Variants in LIFR observed in about 807,000 individuals in gnomAD.
LIFR encodes LIF receptor subunit alpha.
In LIFR, 84 loss-of-function variants were observed where a neutral mutation model predicts 122.2. That is an observed-to-expected ratio of 0.69 (90% CI 0.58 to 0.82). The LOEUF is 0.82. Ranked by LOEUF, LIFR falls within the 40% of genes least tolerant of loss-of-function variation. The pLI is 0.00. For missense variants in LIFR, 1,294 were observed against 1,311.6 expected (o/e 0.99, Z 0.21); for synonymous variants, 422 against 434.7 (o/e 0.97, Z 0.36).
At chr5:38,524,005 T>A (rs549986554) in intron 4 of LIFR, among the ~76,000 whole-genome samples, 33 of 152,204 alleles carry the variant, frequency 2.2e-4, no homozygotes, top group South Asian at 2.1e-4. Context: ...CAACTAGGTT[T>A]CCACAGTACT....
At chr5:38,575,517 A>G (rs974274145) in intron 1 of LIFR, among the ~76,000 whole-genome samples, 3 of 152,182 alleles carry the variant, frequency 2.0e-5, no homozygotes, top group Admixed American at 1.3e-4. Flanking sequence ...GTTTGCCCAG[A>G]GAGAGCTTCC....
chr5:38,552,409 C>T (rs1748251606), intron 1 of LIFR, among the ~76,000 whole-genome samples: 1 of 152,146 alleles, frequency 6.6e-6, no homozygotes, highest in Non-Finnish European at 1.5e-5. Flanking sequence ...TATTGATATT[C>T]CCTATAGGGC....
rs986520492 is a variant in LIFR at position 38,475,091 on chromosome 5, A to G, written c.*6504T>C. On this transcript the variant is annotated 3_prime_UTR_variant, in exon 20 of 20. Transcript: ENST00000453190. ...TAACAGCCAAGCATACTAGTTTTAC[A>G]TTTATGGTGTTTTAGTAATAGATTA... is the stretch of plus-strand genomic sequence containing the variant. 1 of 179,504 alleles carries G rather than the reference A, an allele frequency of 5.6e-6. No homozygotes were observed. The highest frequency in any genetic ancestry group is 1.2e-5 in the Non-Finnish European group (1 of 83,736). The allele number at this position is 179,504 out of a possible 1,614,324, so 11.1% of individuals were successfully genotyped here. A position where few individuals can be genotyped will look rare whatever the true frequency, so the allele number is the denominator to read the frequency against.
rs1285577291 is a variant in LIFR at position 38,523,708 on chromosome 5, T to A, written c.398-126A>T. 6 of 802,958 alleles carry A rather than the reference T, an allele frequency of 7.5e-6. No homozygotes were observed. The Admixed American group carries it at 1.3e-4, about 17-fold the overall frequency. The allele number at this position is 802,958 out of a possible 1,614,324, so 49.7% of individuals were successfully genotyped here. Reference sequence around the variant, plus strand: ...TGATCAAAAAATCAATAATCAAGATTTAAAAGGAAACTCTAGAACCCAGTA... The same window carrying A: ...TGATCAAAAAATCAATAATCAAGATATAAAAGGAAACTCTAGAACCCAGTA... On this transcript the variant is annotated intron_variant, in intron 4 of 19. Coordinates refer to ENST00000453190, the MANE Select transcript of LIFR (RefSeq NM_001127671.2).
intron 16 of LIFR, among the ~76,000 whole-genome samples, chr5:38,486,504 G>A (rs1744292160): frequency 6.6e-6 from 1 of 152,136 alleles, no homozygotes; most frequent in East Asian, 1.9e-4. Context: ...AACTTCAAAA[G>A]GAAGAGTGAG....
upstream of LIFR, chr5:38,556,707 G>T (rs1454365627): frequency 7.6e-6 from 1 of 132,358 alleles, no homozygotes; most frequent in African/African-American, 2.7e-5. Context: ...GCCCGGCCCC[G>T]CCCCTGACCC....
intron 1 of LIFR, among the ~76,000 whole-genome samples, chr5:38,586,956 G>A (rs1039082918): frequency 1.1e-4 from 16 of 152,254 alleles, no homozygotes; most frequent in African/African-American, 3.4e-4. Flanking sequence ...AAGCATTTGT[G>A]TTATTAATAA....
rs113730751 is a variant in LIFR at position 38,479,025 on chromosome 5, C to G, written c.*2570G>C. 2.0e-3 allele frequency: 462 copies of G among 231,862 alleles called. 2 individuals are homozygous for G. Among genetic ancestry groups the G allele is most frequent in the African/African-American group, 9.4e-3 (428 of 45,302 alleles). The allele number at this position is 231,862 out of a possible 1,614,324, so 14.4% of individuals were successfully genotyped here. ...CAGGCATGCAACCTTCATTGACAAA[C>G]AGCGCACATTTACCAGTATCTCAGA... is the stretch of plus-strand genomic sequence containing the variant. On this transcript the variant is annotated 3_prime_UTR_variant, in exon 20 of 20. Coordinates refer to ENST00000453190, the MANE Select transcript of LIFR (RefSeq NM_001127671.2).
intron 5 of LIFR, among the ~76,000 whole-genome samples, chr5:38,521,225 A>G (rs958501431): frequency 2.6e-5 from 4 of 152,212 alleles, no homozygotes; most frequent in African/African-American, 9.6e-5. Flanking sequence ...TTTTTCAGCC[A>G]GTTCATTATT....
intron 16 of LIFR, among the ~76,000 whole-genome samples, chr5:38,488,062 T>C (rs1022263649): frequency 6.6e-5 from 10 of 152,210 alleles, no homozygotes; most frequent in Non-Finnish European, 8.8e-5. Context: ...TTATGCTAAC[T>C]TTAGTGACCC....
upstream of LIFR, chr5:38,557,504 A>G (rs1200891867): frequency 2.6e-5 from 4 of 154,916 alleles, no homozygotes; most frequent in Middle Eastern, 1.0e-3. Context: ...TGCAAAGTTC[A>G]GAAATGTGCC....
intron 1 of LIFR, among the ~76,000 whole-genome samples, chr5:38,574,374 G>A (rs773661935): frequency 2.6e-5 from 4 of 151,966 alleles, no homozygotes; most frequent in African/African-American, 4.8e-5. Context: ...CAGACCCCCC[G>A]GACTGGTTAG....
chr5:38,565,409 C>T (rs189695552), intron 1 of LIFR, among the ~76,000 whole-genome samples: 9 of 151,884 alleles, frequency 5.9e-5, no homozygotes, highest in East Asian at 1.9e-4. Context: ...AGAAAGGCCA[C>T]GTAAAAGAAT....
In LIFR at chr5:38,496,482, C is replaced by T. The variant is rs373830378; in HGVS notation, c.1785G>A (p.Glu595=). The change falls in exon 13 of 20, where the codon GAG becomes GAA. Residue 595 remains glutamate (E), a synonymous_variant. Coordinates refer to ENST00000453190, the MANE Select transcript of LIFR (RefSeq NM_001127671.2). ...SEIPDPQHKA[E]IRLDKNDYII... ...TGTAGTCATTCTTATCAAGTCGTAT[C>T]TCTGCTTTGTGCTGAGGATCAGGGA... The T allele has an allele frequency of 1.7e-5, 27 of 1,614,104 alleles. No individual in the cohort carries two copies. Among genetic ancestry groups the T allele is most frequent in the Non-Finnish European group, 2.3e-5 (27 of 1,179,922 alleles).
At chr5:38,502,548 T>G in intron 11 of LIFR, 89 bp downstream of exon 11, 1 of 1,145,014 alleles carries the variant, frequency 8.7e-7, no homozygotes, top group East Asian at 2.4e-5. Flanking sequence ...TGTGACCCAC[T>G]GCACCCGGCC....
In LIFR at chr5:38,528,716, T is replaced by A. The variant is rs1228315646; in HGVS notation, c.257+10A>T. ...CTAGCTCATTGTGAATTAAAGTAAA[T>A]TAAAATTACCTGTTTTCAATGCAAA... On this transcript the variant is annotated intron_variant, in intron 3 of 19. Transcript: ENST00000453190. 6 of 1,507,454 alleles carry A rather than the reference T, an allele frequency of 4.0e-6. No individual in the cohort carries two copies. Among genetic ancestry groups the A allele is most frequent in the Non-Finnish European group, 5.5e-6 (6 of 1,099,666 alleles). 93.4% of individuals were successfully genotyped at this position (1,507,454 alleles called of 1,614,324 possible).
chr5:38,540,046 A>G (rs1450552956), intron 1 of LIFR, among the ~76,000 whole-genome samples: 1 of 152,142 alleles, frequency 6.6e-6, no homozygotes, highest in Non-Finnish European at 1.5e-5. Context: ...TGCAAATCTC[A>G]GCTCCAGGCC....
intron 1 of LIFR, chr5:38,607,620 A>T (rs1750359315): frequency 6.6e-6 from 1 of 152,166 alleles, no homozygotes; most frequent in Non-Finnish European, 1.5e-5. Flanking sequence ...CGTCTTGCAC[A>T]AGAGGAGTGG....
chr5:38,603,057 C>T (rs930388868), intron 2 of LIFR, among the ~76,000 whole-genome samples: 1 of 152,066 alleles, frequency 6.6e-6, no homozygotes, highest in African/African-American at 2.4e-5. Flanking sequence ...GCACGCGGGC[C>T]GCCCACCCGA....
Sources: gnomAD v4.1 joint callset for allele counts (sites outside exome capture counted in the v4.1 genomes callset) on GRCh38, gnomAD v4.1.1 for gene constraint, MANE v1.5 for transcripts, NCBI Gene and HGNC (gene_info 2026-07-23, HGNC 2026-07-21) for gene names.